Variants in EXOC2 observed in about 807,000 individuals in gnomAD.
EXOC2 encodes the protein SEC5-like 1.
A neutral mutation model predicts 131.8 loss-of-function variants in EXOC2; 70 were observed. That is an observed-to-expected ratio of 0.53 (90% confidence interval 0.44 to 0.65). EXOC2 has a LOEUF of 0.65. EXOC2 is among the 30% of genes least tolerant of loss of function. The pLI is 0.00. For synonymous variants in EXOC2, 411 were observed against 398.4 expected (o/e 1.03, Z -0.38); for missense variants, 923 against 1,108.6 (o/e 0.83, Z 2.38).
chr6:499,777 C>A lies in EXOC2; in HGVS notation c.2381-77G>T. The A allele has an allele frequency of 7.5e-6, 9 of 1,207,152 alleles. No individual in the cohort carries two copies. The South Asian group carries it at 1.1e-4, about 15-fold the overall frequency. 74.8% of individuals were successfully genotyped at this position (1,207,152 alleles called of 1,614,324 possible). A position where few individuals can be genotyped will look rare whatever the true frequency, so the allele number is the denominator to read the frequency against. Reference sequence around the variant, plus strand: ...CCCTCCCCTGCTGGCAGGCTGTACCCCATGCTTTAGAGTTTTCTGAGGAGA... The same window carrying A: ...CCCTCCCCTGCTGGCAGGCTGTACCACATGCTTTAGAGTTTTCTGAGGAGA... On this transcript the variant is annotated intron_variant, in intron 23 of 27. Coordinates refer to ENST00000230449, the MANE Select transcript of EXOC2 (RefSeq NM_018303.6).
chr6:553,166 C>T (rs1043156653), intron 21 of EXOC2, among the ~76,000 whole-genome samples: 8 of 152,172 alleles, frequency 5.3e-5, no homozygotes, highest in Admixed American at 4.6e-4. Flanking sequence ...GATCCACTTG[C>T]CTCGGCCTCC....
chr6:576,693 G>A, intron 12 of EXOC2, 64 bp downstream of exon 12: 1 of 1,583,252 alleles, frequency 6.3e-7, no homozygotes, highest in Non-Finnish European at 8.6e-7. Flanking sequence ...TCCAAGAGAA[G>A]AATGTTTGAA....
intron 11 of EXOC2, among the ~76,000 whole-genome samples, chr6:588,895 G>A (rs1287861200): frequency 6.6e-6 from 1 of 152,046 alleles, no homozygotes; most frequent in Non-Finnish European, 1.5e-5. Flanking sequence ...ATGACGGTGT[G>A]TTTCCCTCTA....
intron 1 of EXOC2, chr6:669,547 T>C (rs1422783002): frequency 6.6e-6 from 1 of 152,294 alleles, no homozygotes; most frequent in Non-Finnish European, 1.5e-5. Context: ...ACTGTTCTGC[T>C]GGCCTTTCAA....
intron 11 of EXOC2, among the ~76,000 whole-genome samples, chr6:582,717 G>C (rs1758981752): frequency 6.6e-6 from 1 of 151,800 alleles, no homozygotes; most frequent in African/African-American, 2.4e-5. Flanking sequence ...AATGCTTTTT[G>C]ATCTTCTGAT....
chr6:597,195 G>C (rs907946190), intron 10 of EXOC2, among the ~76,000 whole-genome samples: 1 of 151,550 alleles, frequency 6.6e-6, no homozygotes, highest in African/African-American at 2.4e-5. Context: ...TTTTTTTTAA[G>C]ACAGAGTCTC....
At position 564,562 on chromosome 6, in the gene EXOC2, G is replaced by A. The variant is rs779200539; in HGVS notation, c.1650C>T (p.His550=). The A allele has an allele frequency of 5.6e-6, 9 of 1,614,014 alleles. No homozygotes were observed. Among genetic ancestry groups the A allele is most frequent in the East Asian group, 2.2e-5 (1 of 44,904 alleles). Residue 550 remains histidine, a synonymous_variant, in exon 15 of 28, where the codon CAC becomes CAT. Coordinates refer to ENST00000230449, the MANE Select transcript of EXOC2 (RefSeq NM_018303.6). ...ATACTCACCTTACAGTCTGGATGGCGTGAGCGAGCCACTGTCCGGAGAGCT... is the reference window on the plus strand; with the variant it reads ...ATACTCACCTTACAGTCTGGATGGCATGAGCGAGCCACTGTCCGGAGAGCT... ...KCELSGQWLA[H]AIQTVRLTHE...
At position 486,470 on chromosome 6, in the gene EXOC2, T is replaced by G; in HGVS notation, c.*201A>C. 1.8e-6 allele frequency: 1 copy of G among 544,572 alleles called. No individual in the cohort carries two copies. Among genetic ancestry groups the G allele is most frequent in the South Asian group, 2.7e-5 (1 of 37,614 alleles). 33.7% of individuals were successfully genotyped at this position (544,572 alleles called of 1,614,324 possible). On this transcript the variant is annotated 3_prime_UTR_variant, in exon 28 of 28. Coordinates refer to ENST00000230449, the MANE Select transcript of EXOC2 (RefSeq NM_018303.6). ...CATACAGGATCTGATCTAGTAAGAA[T>G]GGCAAAACAAATACTTCCTGGGCAT...
At position 501,176 on chromosome 6, in the gene EXOC2, C is replaced by CTA. The variant is rs1554117285; in HGVS notation, c.2381-1478_2381-1477dup. On this transcript the variant is annotated intron_variant, in intron 23 of 27. Coordinates refer to ENST00000230449, the MANE Select transcript of EXOC2 (RefSeq NM_018303.6). ...ATATATCTATATATATTATATATAT[C>CTA]TATATATTATATATATCTATATATA... Among the ~76,000 whole-genome samples the CTA allele has an allele frequency of 8.1e-3, 51 of 6,322 alleles. 10 individuals are homozygous for CTA. Among genetic ancestry groups the CTA allele is most frequent in the Admixed American group, 0.015 (5 of 326 alleles). 4.1% of individuals were successfully genotyped at this position (6,322 alleles called of 152,430 possible).
rs1756572012 is a variant in EXOC2 at position 541,910 on chromosome 6, A to C, written c.2238+7265T>G. Among the ~76,000 whole-genome samples, 3 of 152,244 alleles carry C rather than the reference A, an allele frequency of 2.0e-5. No homozygotes were observed. The South Asian group carries it at 6.2e-4, about 31-fold the overall frequency. On this transcript the variant is annotated intron_variant, in intron 22 of 27. Transcript: ENST00000230449. ...TATGCAAACTCTTTCAAAGAAGAAA[A>C]AGGAATATATTCTTTAATTCATGTT... is the stretch of plus-strand genomic sequence containing the variant.
chr6:486,627 T>G lies in EXOC2; in HGVS notation c.*44A>C. 1.3e-6 allele frequency: 2 copies of G among 1,507,564 alleles called. No homozygotes were observed. The highest frequency in any genetic ancestry group is 9.2e-7 in the Non-Finnish European group (1 of 1,082,940). The allele number at this position is 1,507,564 out of a possible 1,614,324, so 93.4% of individuals were successfully genotyped here. A position where few individuals can be genotyped will look rare whatever the true frequency, so the allele number is the denominator to read the frequency against. On this transcript the variant is annotated 3_prime_UTR_variant, in exon 28 of 28. Coordinates refer to ENST00000230449, the MANE Select transcript of EXOC2 (RefSeq NM_018303.6). ...TAGGGTACTTAGAGAGTGAACAGTCTTATTACGTGTTATTTTCCTGGACTT... is the reference window on the plus strand; with the variant it reads ...TAGGGTACTTAGAGAGTGAACAGTCGTATTACGTGTTATTTTCCTGGACTT...
chr6:655,977 G>T (rs1019128635), intron 1 of EXOC2: 1 of 669,968 alleles, frequency 1.5e-6, no homozygotes, highest in Admixed American at 2.6e-5. Context: ...TGCAAAGGAG[G>T]AAGGGCTCAA....
intron 23 of EXOC2, among the ~76,000 whole-genome samples, chr6:526,298 T>C (rs1418640472): frequency 6.6e-6 from 1 of 152,230 alleles, no homozygotes; most frequent in African/African-American, 2.4e-5. Context: ...GATACCCTAA[T>C]GGTATTTTAA....
chr6:651,312 C>T (rs541523545), intron 1 of EXOC2, among the ~76,000 whole-genome samples: 1 of 152,120 alleles, frequency 6.6e-6, no homozygotes, highest in South Asian at 2.1e-4. Flanking sequence ...GGATTACAGG[C>T]GTGAGCCACC....
Position 634,222 on chromosome 6 carries a change from C to T in EXOC2, c.119-1105G>A, listed in dbSNP as rs538385062. 3.3e-5 allele frequency among the ~76,000 whole-genome samples: 5 copies of T among 152,152 alleles called. No individual in the cohort carries two copies. In the East Asian group the frequency reaches 5.8e-4, roughly 18 times the overall value. Reference sequence around the variant, plus strand: ...CTGGGACTACCGGTGAGCACCACCACGCTCGGCTAGTTTTTTTGTTGTTGT... The same window carrying T: ...CTGGGACTACCGGTGAGCACCACCATGCTCGGCTAGTTTTTTTGTTGTTGT... On this transcript the variant is annotated intron_variant, in intron 2 of 27. Transcript: ENST00000230449.
intron 16 of EXOC2, 138 bp downstream of exon 16, chr6:563,895 T>G: frequency 2.4e-6 from 3 of 1,257,448 alleles, no homozygotes; most frequent in Non-Finnish European, 3.2e-6. Flanking sequence ...ATTGAGCAGC[T>G]AGAAATAAGA....
intron 11 of EXOC2, among the ~76,000 whole-genome samples, chr6:589,987 C>T (rs1000994654): frequency 6.6e-5 from 10 of 152,194 alleles, no homozygotes; most frequent in African/African-American, 1.4e-4. Context: ...TGGTAGCGGG[C>T]GCCTGTAGTC....
intron 6 of EXOC2, among the ~76,000 whole-genome samples, chr6:614,565 T>A (rs181431397): frequency 1.2e-3 from 176 of 152,314 alleles, no homozygotes; most frequent in African/African-American, 3.9e-3. Flanking sequence ...TGAGTCCTTC[T>A]AGCAAAACAC....
At chr6:596,626 C>G (rs1193598402) in intron 10 of EXOC2, among the ~76,000 whole-genome samples, 2 of 152,164 alleles carry the variant, frequency 1.3e-5, no homozygotes, top group Admixed American at 1.3e-4. Context: ...CTTGGCCTCC[C>G]AAAGTGCTGG....
Sources: gnomAD v4.1 joint callset for allele counts (sites outside exome capture counted in the v4.1 genomes callset) on GRCh38, gnomAD v4.1.1 for gene constraint, MANE v1.5 for transcripts, NCBI Gene and HGNC (gene_info 2026-07-23, HGNC 2026-07-21) for gene names.